The following PPP3R1 variants were observed in gnomAD, a reference collection of about 807,000 sequenced individuals.
PPP3R1 encodes protein phosphatase 3 regulatory subunit B, alpha.
PPP3R1 carries 5 observed loss-of-function variants against 22.6 expected under a neutral mutation model. That is an observed-to-expected ratio of 0.22 (90% CI 0.12 to 0.46). PPP3R1 has a LOEUF of 0.46. PPP3R1 is among the 20% of genes least tolerant of loss of function. The pLI, the probability that PPP3R1 is intolerant of heterozygous loss-of-function variation, is 0.99. For missense variants in PPP3R1, 61 were observed against 203.2 expected (o/e 0.30, Z 4.25); for synonymous variants, 56 against 65.2 (o/e 0.86, Z 0.68).
intron 1 of PPP3R1, among the ~76,000 whole-genome samples, chr2:68,233,727 T>C (rs917383154): frequency 6.6e-6 from 1 of 152,312 alleles, no homozygotes; most frequent in East Asian, 1.9e-4. Flanking sequence ...TACTATTCTT[T>C]AAGTTCTAAA....
intron 1 of PPP3R1, among the ~76,000 whole-genome samples, chr2:68,251,787 A>T (rs1947025): frequency 2.7e-5 from 4 of 150,004 alleles, no homozygotes; most frequent in Admixed American, 2.6e-4. Context: ...CGCGAGAAGG[A>T]GAGTGCGCCG....
At chr2:68,232,108 A>AAT (rs1553408844) in intron 1 of PPP3R1, among the ~76,000 whole-genome samples, 30 of 89,820 alleles carry the variant, frequency 3.3e-4, no homozygotes, top group South Asian at 2.7e-3. Flanking sequence ...AAAAAAAAAA[A>AAT]ATATATATAT....
intron 2 of PPP3R1, among the ~76,000 whole-genome samples, chr2:68,216,360 G>GA (rs1669578997): frequency 6.6e-6 from 1 of 151,676 alleles, no homozygotes; most frequent in Admixed American, 6.6e-5. Flanking sequence ...TTAGACAACA[G>GA]AATTTTATTC....
rs976272195 is a variant in PPP3R1, at chr2:68,189,217, G to A, written c.44-527C>T. Among the ~76,000 whole-genome samples the A allele has an allele frequency of 7.7e-5, 11 of 142,348 alleles. No homozygotes were observed. In the South Asian group the frequency reaches 7.8e-4, roughly 10 times the overall value. 93.4% of individuals were successfully genotyped at this position (142,348 alleles called of 152,430 possible). Reference sequence around the variant, plus strand: ...CAAAGTTTCCCTCCCTTCCCACCCCGAGATATCCATTTCCTTTCTCTGAAA... The same window carrying A: ...CAAAGTTTCCCTCCCTTCCCACCCCAAGATATCCATTTCCTTTCTCTGAAA... On this transcript the variant is annotated intron_variant, in intron 2 of 5. Coordinates refer to ENST00000234310, the MANE Select transcript of PPP3R1 (RefSeq NM_000945.4).
intron 1 of PPP3R1, among the ~76,000 whole-genome samples, chr2:68,222,134 A>G (rs1669697190): frequency 6.6e-6 from 1 of 152,234 alleles, no homozygotes; most frequent in Admixed American, 6.5e-5. Flanking sequence ...AAGCAAAGAT[A>G]ACATGTTGTG....
intron 2 of PPP3R1, among the ~76,000 whole-genome samples, chr2:68,201,599 A>AG (rs1674976334): frequency 6.6e-6 from 1 of 152,204 alleles, no homozygotes; most frequent in African/African-American, 2.4e-5. Flanking sequence ...TGTGTTAGTT[A>AG]GGAATTCCGT....
intron 1 of PPP3R1, among the ~76,000 whole-genome samples, chr2:68,224,858 TA>T (rs953922845): frequency 6.6e-6 from 1 of 151,750 alleles, no homozygotes; most frequent in East Asian, 1.9e-4. Context: ...ATATGCAATT[TA>T]AAAAAAATGA....
At chr2:68,236,912 C>G (rs1238032255) in intron 1 of PPP3R1, among the ~76,000 whole-genome samples, 1 of 152,044 alleles carries the variant, frequency 6.6e-6, no homozygotes, top group Non-Finnish European at 1.5e-5. Context: ...AGAAGCATTC[C>G]CTGCTCTTCT....
chr2:68,179,200 T>C lies in PPP3R1; in HGVS notation c.*1763A>G, dbSNP rs552514873. On this transcript the variant is annotated 3_prime_UTR_variant, in exon 6 of 6. Transcript: ENST00000234310. ...CCCCTTGAAGCAGAGCACATGGCAG[T>C]TGACACTGGAACAGTTCAAACCACT... 6.5e-6 allele frequency: 1 copy of C among 152,716 alleles called. No homozygotes were observed. The highest frequency in any genetic ancestry group is 2.1e-4 in the South Asian group (1 of 4,822). 9.5% of individuals were successfully genotyped at this position (152,716 alleles called of 1,614,324 possible).
intron 2 of PPP3R1, among the ~76,000 whole-genome samples, chr2:68,191,593 A>T (rs1674670059): frequency 1.3e-5 from 2 of 152,240 alleles, no homozygotes; most frequent in African/African-American, 2.4e-5. Flanking sequence ...TACTCAATGC[A>T]ACTCGTTGTT....
intron 2 of PPP3R1, among the ~76,000 whole-genome samples, chr2:68,193,139 A>T (rs994941813): frequency 6.6e-6 from 1 of 152,174 alleles, no homozygotes; most frequent in Non-Finnish European, 1.5e-5. Flanking sequence ...CTGGATGAGT[A>T]GTCAAAACTT....
At chr2:68,250,141 G>A (rs188460910) in intron 1 of PPP3R1, among the ~76,000 whole-genome samples, 11 of 151,536 alleles carry the variant, frequency 7.3e-5, no homozygotes, top group Admixed American at 5.9e-4. Flanking sequence ...GGTATTGGGA[G>A]GATGAAAGAG....
At chr2:68,242,775 AT>A (rs774824179) in intron 1 of PPP3R1, among the ~76,000 whole-genome samples, 9 of 152,354 alleles carry the variant, frequency 5.9e-5, no homozygotes, top group Non-Finnish European at 1.0e-4. Flanking sequence ...TGCTTATGGC[AT>A]TACACTCAGG....
chr2:68,233,199 C>T (rs902429132), intron 1 of PPP3R1, among the ~76,000 whole-genome samples: 1 of 152,192 alleles, frequency 6.6e-6, no homozygotes, highest in Admixed American at 6.5e-5. Flanking sequence ...CCACACATGG[C>T]ATCAGTTTCT....
intron 2 of PPP3R1, among the ~76,000 whole-genome samples, chr2:68,198,157 A>AT: frequency 6.9e-6 from 1 of 144,876 alleles, no homozygotes; most frequent in Non-Finnish European, 1.5e-5. Flanking sequence ...ATACACATAT[A>AT]TGTAAATATA....
intron 1 of PPP3R1, among the ~76,000 whole-genome samples, chr2:68,223,899 A>G (rs1250852430): frequency 6.6e-6 from 1 of 152,188 alleles, no homozygotes; most frequent in African/African-American, 2.4e-5. Context: ...ATAAATCCTA[A>G]GCAAATTACT....
chr2:68,211,519 C>T (rs532946872), intron 2 of PPP3R1, among the ~76,000 whole-genome samples: 29 of 151,782 alleles, frequency 1.9e-4, no homozygotes, highest in Non-Finnish European at 3.4e-4. Flanking sequence ...TTGATGGCCA[C>T]GGACTGATCG....
chr2:68,241,212 C>T (rs1670123546), intron 1 of PPP3R1, among the ~76,000 whole-genome samples: 1 of 151,862 alleles, frequency 6.6e-6, no homozygotes, highest in Admixed American at 6.6e-5. Flanking sequence ...CACACATCCT[C>T]CTGTATACTT....
At position 68,188,380 on chromosome 2, in the gene PPP3R1, G is replaced by A. The variant is rs903922512; in HGVS notation, c.220+134C>T. The A allele has an allele frequency of 1.3e-5, 8 of 616,586 alleles. No individual in the cohort carries two copies. The Admixed American group carries it at 1.5e-4, about 12-fold the overall frequency. The allele number at this position is 616,586 out of a possible 1,614,324, so 38.2% of individuals were successfully genotyped here. On this transcript the variant is annotated intron_variant, in intron 3 of 5. Coordinates refer to ENST00000234310, the MANE Select transcript of PPP3R1 (RefSeq NM_000945.4). ...TCATTAAGGTGTATATGCCACAGAC[G>A]CTGAGGTTTTAACATAATCTATTAT... is the stretch of plus-strand genomic sequence containing the variant.
Sources: allele counts gnomAD v4.1 joint callset (sites outside exome capture counted in the v4.1 genomes callset), GRCh38; gene constraint gnomAD v4.1.1; transcripts MANE v1.5; gene names NCBI Gene and HGNC (gene_info 2026-07-23, HGNC 2026-07-21).